The following KCNQ1OT1 variants were observed in gnomAD, a reference collection of about 807,000 sequenced individuals.
KCNQ1OT1 encodes the protein KCNQ1 antisense RNA 2 (non-protein coding).
rs1850586475 is a variant in KCNQ1OT1, at chr11:2,691,455, T to C, written n.8540A>G. On this transcript the variant is annotated non_coding_transcript_exon_variant, in exon 1 of 1. Coordinates refer to ENST00000597346, the Ensembl canonical transcript of KCNQ1OT1. The surrounding 1 kb of genome is among the most constrained non-coding windows in gnomAD (Gnocchi z 6.4). Reference sequence around the variant, plus strand: ...CTCCCTGCCCCCACTGAGTCTCTGATGTTGACAGCCTCTTTGTTTTTTCAT... The same window carrying C: ...CTCCCTGCCCCCACTGAGTCTCTGACGTTGACAGCCTCTTTGTTTTTTCAT... 1 of 398,586 alleles carries C rather than the reference T, an allele frequency of 2.5e-6. No homozygotes were observed. The highest frequency in any genetic ancestry group is 4.4e-6 in the Non-Finnish European group (1 of 226,060). The allele number at this position is 398,586 out of a possible 1,614,324, so 24.7% of individuals were successfully genotyped here.
chr11:2,618,571 T>G (rs2133800632), exon 1 of KCNQ1OT1: 1 of 398,620 alleles, frequency 2.5e-6, no homozygotes, highest in East Asian at 3.6e-5. Flanking sequence ...GTTTGTTTTT[T>G]ATGCCAGGAC....
At chr11:2,646,381 A>G (rs1398199169) in exon 1 of KCNQ1OT1, 2 of 398,386 alleles carry the variant, frequency 5.0e-6, no homozygotes, top group African/African-American at 2.1e-5. Context: ...AATTACTGTT[A>G]TCAGTATTTT....
rs1030278059 is a variant in KCNQ1OT1 at position 2,695,945 on chromosome 11, T to C, written n.4050A>G. 2 of 398,532 alleles carry C rather than the reference T, an allele frequency of 5.0e-6. No homozygotes were observed. Among genetic ancestry groups the C allele is most frequent in the Non-Finnish European group, 8.8e-6 (2 of 226,070 alleles). 24.7% of individuals were successfully genotyped at this position (398,532 alleles called of 1,614,324 possible). A position where few individuals can be genotyped will look rare whatever the true frequency, so the allele number is the denominator to read the frequency against. ...GCTTTCTGGTATATTTTAGCTGTTG[T>C]TCCCTCCTCAGCTTTAATTGTTTCA... is the stretch of plus-strand genomic sequence containing the variant. On this transcript the variant is annotated non_coding_transcript_exon_variant, in exon 1 of 1. Coordinates refer to ENST00000597346, the Ensembl canonical transcript of KCNQ1OT1. The surrounding 1 kb of genome is among the most constrained non-coding windows in gnomAD (Gnocchi z 5.2).
exon 1 of KCNQ1OT1, chr11:2,696,409 G>C: frequency 2.5e-6 from 1 of 398,566 alleles, no homozygotes; most frequent in Non-Finnish European, 4.4e-6. Flanking sequence ...CCTTCCTCTA[G>C]ACTTGGAGTT....
exon 1 of KCNQ1OT1, chr11:2,666,991 CA>C (rs1201797893): frequency 1.3e-5 from 5 of 398,624 alleles, no homozygotes; most frequent in Non-Finnish European, 2.2e-5. Context: ...GAGGGCTGTA[CA>C]GGGCTGCATG....
exon 1 of KCNQ1OT1, chr11:2,693,876 G>A (rs1046781014): frequency 1.3e-5 from 5 of 398,716 alleles, no homozygotes; most frequent in African/African-American, 1.0e-4. Context: ...CCTGCTCTGA[G>A]GGAAACCCTA....
exon 1 of KCNQ1OT1, chr11:2,634,711 G>A (rs1184591375): frequency 6.6e-6 from 1 of 152,184 alleles, no homozygotes; most frequent in Non-Finnish European, 1.5e-5. Context: ...GGGATGGCTG[G>A]ATCAAATGGT....
exon 1 of KCNQ1OT1, chr11:2,636,208 C>T (rs1487199245): frequency 6.6e-6 from 1 of 152,232 alleles, no homozygotes; most frequent in African/African-American, 2.4e-5. Context: ...TTGGCCAGAA[C>T]TTCCAACACT....
In KCNQ1OT1 at chr11:2,623,560, A is replaced by G. The variant is rs1028198476; in HGVS notation, n.76435T>C. 9 of 398,548 alleles carry G rather than the reference A, an allele frequency of 2.3e-5. No homozygotes were observed. The East Asian group carries it at 2.9e-4, about 13-fold the overall frequency. The allele number at this position is 398,548 out of a possible 1,614,324, so 24.7% of individuals were successfully genotyped here. A position where few individuals can be genotyped will look rare whatever the true frequency, so the allele number is the denominator to read the frequency against. On this transcript the variant is annotated non_coding_transcript_exon_variant, in exon 1 of 1. Transcript: ENST00000597346. The surrounding 1 kb of genome is among the most constrained non-coding windows in gnomAD (Gnocchi z 5.2). ...AGATTGCCTTATTTCACATAGTAAT[A>G]TGTTTTTTAATTACCTCCATATCTT... is the stretch of plus-strand genomic sequence containing the variant.
chr11:2,674,716 TCTG>T lies in KCNQ1OT1; in HGVS notation n.25276_25278del. The stretch of plus-strand genomic sequence containing the variant: ...AAACCTTTCCTGATGACTCCTTCCT[TCTG>T]AACTTAACTCGTTAAAGTTGCTCCA... On this transcript the variant is annotated non_coding_transcript_exon_variant, in exon 1 of 1. Coordinates refer to ENST00000597346, the Ensembl canonical transcript of KCNQ1OT1. The surrounding 1 kb of genome is among the most constrained non-coding windows in gnomAD (Gnocchi z 5.9). The T allele has an allele frequency of 2.5e-6, 1 of 398,280 alleles. No homozygotes were observed. The highest frequency in any genetic ancestry group is 4.4e-6 in the Non-Finnish European group (1 of 226,034). The allele number at this position is 398,280 out of a possible 1,614,324, so 24.7% of individuals were successfully genotyped here.
chr11:2,687,145 C>T lies in KCNQ1OT1; in HGVS notation n.12850G>A, dbSNP rs1029456548. On this transcript the variant is annotated non_coding_transcript_exon_variant, in exon 1 of 1. Transcript: ENST00000597346. This position sits in a 1 kb window ranked among gnomAD's most constrained non-coding sequence, Gnocchi z 5.0. Reference sequence around the variant, plus strand: ...TGCACAGGGAGGGGAGGAATCTGAGCCAGCTTCCTCCACAAAGCACAGAAG... The same window carrying T: ...TGCACAGGGAGGGGAGGAATCTGAGTCAGCTTCCTCCACAAAGCACAGAAG... The T allele has an allele frequency of 1.0e-5, 4 of 398,502 alleles. No homozygotes were observed. Among genetic ancestry groups the T allele is most frequent in the African/African-American group, 8.2e-5 (4 of 48,612 alleles). The allele number at this position is 398,502 out of a possible 1,614,324, so 24.7% of individuals were successfully genotyped here.
exon 1 of KCNQ1OT1, chr11:2,665,917 C>T: frequency 2.5e-6 from 1 of 398,636 alleles, no homozygotes; most frequent in Non-Finnish European, 4.4e-6. Flanking sequence ...CTCCAAGCAA[C>T]CCTGGGAGGC....
exon 1 of KCNQ1OT1, chr11:2,630,537 T>C: frequency 2.5e-6 from 1 of 398,332 alleles, no homozygotes; most frequent in Non-Finnish European, 4.4e-6. Context: ...ATATTGCATA[T>C]CCATTGAGAA....
chr11:2,662,357 A>C (rs1849975330), exon 1 of KCNQ1OT1: 3 of 556,350 alleles, frequency 5.4e-6, no homozygotes, highest in Non-Finnish European at 9.5e-6. Context: ...TGAGAGTCTG[A>C]GATTGTTTTT....
At position 2,698,663 on chromosome 11, in the gene KCNQ1OT1, G is replaced by C; in HGVS notation, n.1332C>G. On this transcript the variant is annotated non_coding_transcript_exon_variant, in exon 1 of 1. Transcript: ENST00000597346. The surrounding 1 kb of genome is among the most constrained non-coding windows in gnomAD (Gnocchi z 5.1). Reference sequence around the variant, plus strand: ...ACCCCAATCCCAATCTCTTAACTCAGAGCCCCCCATTCAGAACCTCTACCC... The same window carrying C: ...ACCCCAATCCCAATCTCTTAACTCACAGCCCCCCATTCAGAACCTCTACCC... The C allele has an allele frequency of 2.5e-6, 1 of 398,132 alleles. No homozygotes were observed. The highest frequency in any genetic ancestry group is 3.6e-5 in the East Asian group (1 of 28,052). The allele number at this position is 398,132 out of a possible 1,614,324, so 24.7% of individuals were successfully genotyped here.
exon 1 of KCNQ1OT1, chr11:2,685,716 G>T: frequency 2.5e-6 from 1 of 398,698 alleles, no homozygotes; most frequent in Non-Finnish European, 4.4e-6. Flanking sequence ...CCCCAGGGAG[G>T]GTGCTCTGAC....
At chr11:2,699,413 G>A (rs961219751) in exon 1 of KCNQ1OT1, 2 of 404,060 alleles carry the variant, frequency 4.9e-6, no homozygotes, top group Non-Finnish European at 8.7e-6. Flanking sequence ...GAGATGGGGA[G>A]GGCCGCGCTG....
At chr11:2,675,946 C>A (rs1564854582) in exon 1 of KCNQ1OT1, 1 of 398,630 alleles carries the variant, frequency 2.5e-6, no homozygotes. Flanking sequence ...ATGGTAAAAC[C>A]AATTCAGAGT....
rs573534237 is a variant in KCNQ1OT1, at chr11:2,625,616, GC to G, written n.74378del. ...TTTTGAGATGGAGTCTCACTCTGTT[GC>G]CCAAGCTGAGTGCAGTGGTGCCATC... On this transcript the variant is annotated non_coding_transcript_exon_variant, in exon 1 of 1. Transcript: ENST00000597346. 933 of 386,234 alleles carry G rather than the reference GC, an allele frequency of 2.4e-3. 4 individuals are homozygous for G. The highest frequency in any genetic ancestry group is 0.011 in the African/African-American group (488 of 44,470). 23.9% of individuals were successfully genotyped at this position (386,234 alleles called of 1,614,324 possible).
Sources: gnomAD v4.1 joint callset for allele counts on GRCh38, gnomAD v4.1.1 for gene constraint, Gnocchi (gnomAD v3.1) non-coding constraint, MANE v1.5 for transcripts, NCBI Gene and HGNC (gene_info 2026-07-23, HGNC 2026-07-21) for gene names.